Variants in SGMS1 observed in about 807,000 individuals in gnomAD.
SGMS1 encodes the protein phosphatidylcholine:ceramide cholinephosphotransferase 1.
SGMS1 carries 13 observed loss-of-function variants against 46.2 expected under a neutral mutation model. That is an observed-to-expected ratio of 0.28 (90% CI 0.18 to 0.45). The LOEUF (loss-of-function observed/expected upper bound fraction) is 0.45. SGMS1 is among the 20% of genes least tolerant of loss of function. The pLI is 1.00. For synonymous variants in SGMS1, 203 were observed against 187.8 expected (o/e 1.08, Z -0.66); for missense variants, 324 against 519.9 (o/e 0.62, Z 3.66).
intron 8 of SGMS1, among the ~76,000 whole-genome samples, chr10:50,319,034 T>G (rs1847396342): frequency 6.6e-6 from 1 of 152,186 alleles, no homozygotes; most frequent in Admixed American, 6.5e-5. Flanking sequence ...ATTACCCATA[T>G]TCTTATTTGT....
At chr10:50,537,425 T>A (rs187583492) in intron 2 of SGMS1, among the ~76,000 whole-genome samples, 2 of 145,178 alleles carry the variant, frequency 1.4e-5, no homozygotes, top group Non-Finnish European at 3.0e-5. Context: ...TCCTGTTTCT[T>A]TTCTTTTTTT....
At chr10:50,473,102 A>G (rs1837392708) in intron 3 of SGMS1, among the ~76,000 whole-genome samples, 1 of 152,206 alleles carries the variant, frequency 6.6e-6, no homozygotes, top group Admixed American at 6.5e-5. Context: ...ATGTTTAACT[A>G]AAGTAGTACT....
At chr10:50,562,389 C>T (rs532933475) in intron 2 of SGMS1, among the ~76,000 whole-genome samples, 1 of 151,972 alleles carries the variant, frequency 6.6e-6, no homozygotes, top group African/African-American at 2.4e-5. Context: ...CACACACGGG[C>T]GCGCATGCGC....
At chr10:50,429,453 C>T (rs1352723643) in intron 6 of SGMS1, among the ~76,000 whole-genome samples, 6 of 152,098 alleles carry the variant, frequency 3.9e-5, no homozygotes, top group African/African-American at 1.2e-4. Context: ...TATGTTGACA[C>T]AACAACAATA....
intron 2 of SGMS1, among the ~76,000 whole-genome samples, chr10:50,530,951 G>T (rs1036227614): frequency 6.6e-5 from 10 of 152,186 alleles, no homozygotes; most frequent in African/African-American, 1.9e-4. Context: ...AAGTTAAAAA[G>T]TACTAGATAA....
chr10:50,410,796 C>A (rs911059807), intron 6 of SGMS1, among the ~76,000 whole-genome samples: 1 of 152,180 alleles, frequency 6.6e-6, no homozygotes, highest in Non-Finnish European at 1.5e-5. Context: ...GGGTAAGGCA[C>A]CTTCTCTGTA....
chr10:50,346,884 G>A (rs1847921457), intron 6 of SGMS1, among the ~76,000 whole-genome samples: 2 of 151,808 alleles, frequency 1.3e-5, no homozygotes, highest in Non-Finnish European at 1.5e-5. Context: ...AATATCTGTA[G>A]AGATTGGGGT....
intron 2 of SGMS1, among the ~76,000 whole-genome samples, chr10:50,558,722 C>A (rs776721349): frequency 7.2e-5 from 11 of 152,308 alleles, no homozygotes; most frequent in Middle Eastern, 6.8e-3. Flanking sequence ...TCAGCCTACT[C>A]AACATGAAGA....
intron 6 of SGMS1, among the ~76,000 whole-genome samples, chr10:50,376,661 C>T (rs1440779346): frequency 6.6e-6 from 1 of 152,138 alleles, no homozygotes; most frequent in Non-Finnish European, 1.5e-5. Flanking sequence ...CAATTCCCAC[C>T]TATGAGTGAG....
chr10:50,369,028 A>G (rs758329642), intron 6 of SGMS1, among the ~76,000 whole-genome samples: 2 of 152,232 alleles, frequency 1.3e-5, no homozygotes, highest in Admixed American at 6.5e-5. Flanking sequence ...ATAACATCAA[A>G]CATATGAACC....
chr10:50,438,620 G>T (rs1292711551), intron 5 of SGMS1, among the ~76,000 whole-genome samples: 1 of 152,194 alleles, frequency 6.6e-6, no homozygotes, highest in African/African-American at 2.4e-5. Flanking sequence ...TGATTAAGCT[G>T]CTAAGTTTGT....
At chr10:50,382,334 T>C (rs1235093033) in intron 6 of SGMS1, among the ~76,000 whole-genome samples, 2 of 152,150 alleles carry the variant, frequency 1.3e-5, no homozygotes, top group Non-Finnish European at 2.9e-5. Context: ...AGAAAATGCA[T>C]GATCATGATT....
chr10:50,540,487 C>G (rs10826165), intron 2 of SGMS1, among the ~76,000 whole-genome samples: 45,352 of 152,098 alleles, frequency 0.3, 7,746 homozygotes, highest in East Asian at 0.64. Flanking sequence ...AGCCACTAGA[C>G]ATATACCAAC....
rs139200264 is a variant in SGMS1 at position 50,395,501 on chromosome 10, C to T, written c.-232+37975G>A. On this transcript the variant is annotated intron_variant, in intron 6 of 10. Transcript: ENST00000361781. ...AGTCAATATGCAATGCTTACCAAGACTCACTGTATTTGTCTCCAAACCTGC... is the reference window on the plus strand; with the variant it reads ...AGTCAATATGCAATGCTTACCAAGATTCACTGTATTTGTCTCCAAACCTGC... 1.5e-3 allele frequency among the ~76,000 whole-genome samples: 230 copies of T among 152,308 alleles called. 1 individual carries two copies. Among genetic ancestry groups the T allele is most frequent in the African/African-American group, 4.8e-3 (199 of 41,560 alleles).
chr10:50,443,287 G>A (rs1849567963), intron 5 of SGMS1, among the ~76,000 whole-genome samples: 1 of 151,932 alleles, frequency 6.6e-6, no homozygotes, highest in Non-Finnish European at 1.5e-5. Context: ...TAAGTGACGG[G>A]GCTCAATTTT....
At chr10:50,319,673 T>G (rs1486614809) in intron 8 of SGMS1, among the ~76,000 whole-genome samples, 5 of 152,218 alleles carry the variant, frequency 3.3e-5, no homozygotes, top group Non-Finnish European at 7.3e-5. Context: ...GCCTTCTGTT[T>G]AAATCCAGCT....
Position 50,308,979 on chromosome 10 carries a change from G to A in SGMS1, c.896-831C>T, listed in dbSNP as rs745548382. On this transcript the variant is annotated intron_variant, in intron 9 of 10. Coordinates refer to ENST00000361781, the MANE Select transcript of SGMS1 (RefSeq NM_147156.4). ...TGAGCCTCTTACATGCCAGGGACAG[G>A]CAATGCTCTAGATACCTGGATCAAT... Among the ~76,000 whole-genome samples the A allele has an allele frequency of 2.6e-5, 4 of 152,198 alleles. No homozygotes were observed. The South Asian group carries it at 8.3e-4, about 32-fold the overall frequency.
At position 50,320,760 on chromosome 10, in the gene SGMS1, T is replaced by C. The variant is rs547753744; in HGVS notation, c.741+6445A>G. ...CGTTGTTTCCTCCACCTGGAACCCT[T>C]CCTCCCTCTATCTCCACTTGGCAAA... is the stretch of plus-strand genomic sequence containing the variant. On this transcript the variant is annotated intron_variant, in intron 8 of 10. Coordinates refer to ENST00000361781, the MANE Select transcript of SGMS1 (RefSeq NM_147156.4). Among the ~76,000 whole-genome samples, 5 of 152,268 alleles carry C rather than the reference T, an allele frequency of 3.3e-5. No individual in the cohort carries two copies. In the South Asian group the frequency reaches 8.3e-4, roughly 25 times the overall value.
intron 8 of SGMS1, among the ~76,000 whole-genome samples, chr10:50,314,877 T>C (rs1019761641): frequency 6.6e-6 from 1 of 152,068 alleles, no homozygotes; most frequent in African/African-American, 2.4e-5. Context: ...GCTACAATCA[T>C]ACCGCTGCAC....
Sources: allele counts gnomAD v4.1 joint callset (sites outside exome capture counted in the v4.1 genomes callset), GRCh38; gene constraint gnomAD v4.1.1; transcripts MANE v1.5; gene names NCBI Gene and HGNC (gene_info 2026-07-23, HGNC 2026-07-21).